MUC5B: variants seen among roughly 807,000 people sequenced by gnomAD.
MUC5B encodes the protein mucin 5B, oligomeric mucus/gel-forming.
MUC5B carries 116 observed loss-of-function variants against 376.9 expected under a neutral mutation model. The ratio of observed to expected loss-of-function variants is 0.31; its 90% CI spans 0.26 to 0.36. The LOEUF is 0.36. Ranked by LOEUF, MUC5B falls within the 10% of genes least tolerant of loss-of-function variation. The pLI is 1.00. For missense variants in MUC5B, 7,165 were observed against 7,769.9 expected, an observed-to-expected ratio of 0.92 and a Z score of 2.93; for synonymous variants, 3,517 against 3,390.9, an observed-to-expected ratio of 1.04 and a Z score of -1.29.
In MUC5B at chr11:1,247,949, C is replaced by T; in HGVS notation, c.11069C>T (p.Thr3690Ile). ...ACGCCCTCCTCAACTCCGGGGACGA[C>T]CTGGATCCTCACAAAGCTGACCACA... ...TATPSSTPGT[T>I]WILTKLTTTA... Residue 3690 changes from threonine (T) to isoleucine (I), a missense_variant, in exon 31 of 49, where the codon ACC (threonine) becomes ATC (isoleucine). Physicochemically the swap from Thr to Ile is moderately conservative, Grantham distance 89. Around this residue, in one of 31 missense-constraint regions of MUC5B, gnomAD observed 90 missense variants for 71.1 expected, o/e 1.27. Coordinates refer to ENST00000529681, the MANE Select transcript of MUC5B (RefSeq NM_002458.3). 4 of 1,610,996 alleles carry T rather than the reference C, an allele frequency of 2.5e-6. No homozygotes were observed. The highest frequency in any genetic ancestry group is 3.4e-6 in the Non-Finnish European group (4 of 1,178,010).
intron 23 of MUC5B, 38 bp downstream of exon 23, chr11:1,235,451 C>T: frequency 6.4e-7 from 1 of 1,557,450 alleles, no homozygotes; most frequent in Non-Finnish European, 8.8e-7. Flanking sequence ...CCCGACCCTG[C>T]AGCCAACGAG....
At position 1,258,964 on chromosome 11, in the gene MUC5B, C is replaced by G; in HGVS notation, c.16616C>G (p.Ala5539Gly). 1 of 1,552,686 alleles carries G rather than the reference C, an allele frequency of 6.4e-7. No homozygotes were observed. The highest frequency in any genetic ancestry group is 8.7e-7 in the Non-Finnish European group (1 of 1,148,546). The change falls in exon 44 of 49, where the codon GCC (alanine) becomes GGC (glycine). Residue 5539 changes from alanine (A) to glycine (G), a missense_variant. Ala to Gly is a moderately conservative substitution (Grantham distance 60). Coordinates refer to ENST00000529681, the MANE Select transcript of MUC5B (RefSeq NM_002458.3). The surrounding 1 kb of genome is among the most constrained non-coding windows in gnomAD (Gnocchi z 5.5). The stretch of plus-strand genomic sequence containing the variant: ...CAGGTTGGTGCAACCTTCCCAGGCG[C>G]CCTTCCCTGCCACATGTGTACCTGC... ...FYGVGATFPG[A>G]LPCHMCTCLS...
Position 1,236,499 on chromosome 11 carries a change from C to A in MUC5B, c.2994C>A (p.His998Gln). ...GGATCTTCCTGGTCATCGAGACCCA[C>A]GGGATGGCCGTGTCCTGGGACCGGA... Reference protein sequence around the residue: ...YMGIFLVIETHGMAVSWDRKT... With the variant: ...YMGIFLVIETQGMAVSWDRKT... The change falls in exon 24 of 49, where the codon CAC becomes CAA. Residue 998 changes from histidine (H) to glutamine (Q), a missense_variant. Physicochemically the swap from His to Gln is conservative, Grantham distance 24. Transcript: ENST00000529681. The A allele has an allele frequency of 1.2e-6, 2 of 1,613,126 alleles. No individual in the cohort carries two copies. The highest frequency in any genetic ancestry group is 1.3e-5 in the African/African-American group (1 of 75,040).
rs372366063 is a variant in MUC5B, at chr11:1,242,622, C to T, written c.5742C>T (p.Ala1914=). The T allele has an allele frequency of 6.2e-7, 1 of 1,613,726 alleles. No homozygotes were observed. Among genetic ancestry groups the T allele is most frequent in the African/African-American group, 1.3e-5 (1 of 74,848 alleles). ...TWILTKPTTT[A]TTTASTGSTA... Reference sequence around the variant, plus strand: ...TCCTCACAAAGCCGACCACAACAGCCACTACGACTGCGTCCACTGGATCCA... The same window carrying T: ...TCCTCACAAAGCCGACCACAACAGCTACTACGACTGCGTCCACTGGATCCA... The change falls in exon 31 of 49, where the codon GCC becomes GCT. Residue 1914 remains alanine, a synonymous_variant. Coordinates refer to ENST00000529681, the MANE Select transcript of MUC5B (RefSeq NM_002458.3).
At chr11:1,235,825 G>T (rs1862145162) in intron 23 of MUC5B, among the ~76,000 whole-genome samples, 1 of 151,476 alleles carries the variant, frequency 6.6e-6, no homozygotes, top group Non-Finnish European at 1.5e-5. Flanking sequence ...AGTCCAGGAT[G>T]ATCTCATTTC....
At chr11:1,230,270 G>A (rs1861994164) in intron 11 of MUC5B, 127 bp downstream of exon 11, 1 of 1,364,746 alleles carries the variant, frequency 7.3e-7, no homozygotes, top group East Asian at 2.3e-5. Context: ...GGGAGCCCTG[G>A]GTCCCCATGA....
chr11:1,256,578 C>A, intron 38 of MUC5B, 93 bp from the exon 39 acceptor site: 3 of 722,068 alleles, frequency 4.2e-6, no homozygotes, highest in Non-Finnish European at 4.5e-6. Flanking sequence ...ATCTCCTTCC[C>A]TGCTCCCCAC....
Position 1,262,157 on chromosome 11 carries a change from C to G in MUC5B, c.*549C>G, listed in dbSNP as rs141670831. ...AACCCAGCCCAGTTTTGCAAATAAA[C>G]CCTGAGCATTGAGTACGTTTCCTGT... On this transcript the variant is annotated 3_prime_UTR_variant, in exon 49 of 49. Transcript: ENST00000529681. 422 of 486,128 alleles carry G rather than the reference C, an allele frequency of 8.7e-4. 6 individuals are homozygous for G. Among genetic ancestry groups the G allele is most frequent in the African/African-American group, 7.7e-3 (389 of 50,808 alleles). 30.1% of individuals were successfully genotyped at this position (486,128 alleles called of 1,614,324 possible). A position where few individuals can be genotyped will look rare whatever the true frequency, so the allele number is the denominator to read the frequency against.
chr11:1,256,860 C>T (rs1862852023), intron 39 of MUC5B, 89 bp downstream of exon 39: 1 of 988,140 alleles, frequency 1.0e-6, no homozygotes, highest in Admixed American at 2.9e-5. Context: ...CCATGATGTG[C>T]TCTCCCCTCT....
chr11:1,233,135 GACGGCTGC>G lies in MUC5B; in HGVS notation c.2191_2198del (p.Gly731LeufsTer9). 1 of 1,607,296 alleles carries G rather than the reference GACGGCTGC, an allele frequency of 6.2e-7. No individual in the cohort carries two copies. The highest frequency in any genetic ancestry group is 8.5e-7 in the Non-Finnish European group (1 of 1,179,478). On this transcript the variant is annotated frameshift_variant, in exon 18 of 49. Transcript: ENST00000529681. LOFTEE classifies it high-confidence loss of function. The stretch of plus-strand genomic sequence containing the variant: ...CTGCAGCGTTTCCTTCGTGCCTGTG[GACGGCTGC>G]ACCTGCCCCGCGGGCACCTTCCTCA...
At chr11:1,230,697 C>T (rs1862007891) in intron 12 of MUC5B, 97 bp downstream of exon 12, 9 of 1,156,514 alleles carry the variant, frequency 7.8e-6, no homozygotes, top group Non-Finnish European at 1.1e-5. Flanking sequence ...GCCCCGAGGC[C>T]AGGTCCCCCC....
Position 1,257,655 on chromosome 11 carries a change from C to T in MUC5B, c.16395C>T (p.Phe5465=), listed in dbSNP as rs367641061. ...GQPPPCNRPG[F]VTVTRPRAEN... is the part of the protein sequence containing the mutation. Reference sequence around the variant, plus strand: ...CCCCGCCGTGCAACCGTCCCGGCTTCGTAACCGTGACCAGGCCCCGGGCCG... The same window carrying T: ...CCCCGCCGTGCAACCGTCCCGGCTTTGTAACCGTGACCAGGCCCCGGGCCG... The change falls in exon 41 of 49, where the codon TTC becomes TTT. Residue 5465 remains phenylalanine, a synonymous_variant. Transcript: ENST00000529681. The surrounding 1 kb of genome is among the most constrained non-coding windows in gnomAD (Gnocchi z 8.9). 2.8e-4 allele frequency: 452 copies of T among 1,591,134 alleles called. No homozygotes were observed. The highest frequency in any genetic ancestry group is 3.7e-4 in the Non-Finnish European group (437 of 1,175,402).
chr11:1,245,356 G>T lies in MUC5B; in HGVS notation c.8476G>T (p.Gly2826Trp). ...SRTTESPPSP[G>W]TTTPGHTRAT... ...GACCACCGAGTCACCCCCTTCTCCAGGGACGACCACCCCGGGCCACACCAG... is the reference window on the plus strand; with the variant it reads ...GACCACCGAGTCACCCCCTTCTCCATGGACGACCACCCCGGGCCACACCAG... The change falls in exon 31 of 49, where the codon GGG becomes TGG. Residue 2826 changes from glycine to tryptophan, a missense_variant. This residue lies in a region of MUC5B where 50 missense variants were observed against 66.4 expected (regional missense o/e 0.75). Coordinates refer to ENST00000529681, the MANE Select transcript of MUC5B (RefSeq NM_002458.3). 1 of 1,589,230 alleles carries T rather than the reference G, an allele frequency of 6.3e-7. No homozygotes were observed. Among genetic ancestry groups the T allele is most frequent in the East Asian group, 2.2e-5 (1 of 44,650 alleles).
At chr11:1,260,435 G>A (rs750738220) in intron 47 of MUC5B, 42 bp downstream of exon 47, 2 of 1,608,294 alleles carry the variant, frequency 1.2e-6, no homozygotes, top group Admixed American at 3.3e-5. Flanking sequence ...TCCAGCTCCA[G>A]CCCGTCGCCA....
Position 1,241,151 on chromosome 11 carries a change from T to C in MUC5B, c.4271T>C (p.Val1424Ala), listed in dbSNP as rs1217000560. ...CTCTGTCACGACTACGAGCTGCGGG[T>C]TCTCTGCTGCGAATACGTGCCCTGT... ...PPLCHDYELR[V>A]LCCEYVPCGP... Residue 1424 changes from valine (V) to alanine (A), a missense_variant, in exon 31 of 49, where the codon GTT becomes GCT. Transcript: ENST00000529681. The C allele has an allele frequency of 6.2e-7, 1 of 1,607,300 alleles. No individual in the cohort carries two copies. Among genetic ancestry groups the C allele is most frequent in the South Asian group, 1.1e-5 (1 of 90,036 alleles).
chr11:1,254,660 C>T, intron 34 of MUC5B, 34 bp from the exon 35 acceptor site: 1 of 1,594,834 alleles, frequency 6.3e-7, no homozygotes, highest in Non-Finnish European at 8.6e-7. Context: ...CCTGGCACTG[C>T]CTCCCAGCTC....
Position 1,247,286 on chromosome 11 carries a change from C to A in MUC5B, c.10406C>A (p.Thr3469Lys). Residue 3469 changes from threonine (T) to lysine (K), a missense_variant, in exon 31 of 49, where the codon ACA (threonine) becomes AAA (lysine). Coordinates refer to ENST00000529681, the MANE Select transcript of MUC5B (RefSeq NM_002458.3). ...CCCAGCAGTCCCCACACGGTGCGCA[C>A]AGCCTGGACTTCGGCCACCTCGGGC... ...LPPSSPHTVR[T>K]AWTSATSGIL... The A allele has an allele frequency of 1.9e-6, 3 of 1,611,892 alleles. No homozygotes were observed. Among genetic ancestry groups the A allele is most frequent in the Non-Finnish European group, 2.5e-6 (3 of 1,179,562 alleles).
In MUC5B at chr11:1,254,086, C is replaced by T; in HGVS notation, c.15218-6C>T. On this transcript the variant is annotated splice_region_variant and splice_polypyrimidine_tract_variant and intron_variant, in intron 33 of 48. Coordinates refer to ENST00000529681, the MANE Select transcript of MUC5B (RefSeq NM_002458.3). Reference sequence around the variant, plus strand: ...GCCTGCCAGCCCGTCCATCTCTGTCCCGCAGGCATCTGCAGCATGTGGGGC... The same window carrying T: ...GCCTGCCAGCCCGTCCATCTCTGTCTCGCAGGCATCTGCAGCATGTGGGGC... 6.2e-7 allele frequency: 1 copy of T among 1,610,428 alleles called. No individual in the cohort carries two copies.
rs758540158 is a variant in MUC5B, at chr11:1,248,603, C to T, written c.11723C>T (p.Ser3908Phe). The T allele has an allele frequency of 1.7e-5, 28 of 1,612,862 alleles. No individual in the cohort carries two copies. The highest frequency in any genetic ancestry group is 1.3e-4 in the South Asian group (12 of 91,044). ...AGTGGCTCCACGGTGACCCCCTCCT[C>T]CGTCCCGGGGACCACCCACACCCCC... The part of the protein sequence containing the change: ...TTSGSTVTPS[S>F]VPGTTHTPTV... The change falls in exon 31 of 49, where the codon TCC (serine) becomes TTC (phenylalanine). Residue 3908 changes from serine (S) to phenylalanine (F), a missense_variant. Ser to Phe is a radical substitution (Grantham distance 155). Around this residue, in one of 31 missense-constraint regions of MUC5B, gnomAD observed 242 missense variants for 199.0 expected, o/e 1.22. Transcript: ENST00000529681.
Sources: gnomAD v4.1 joint callset for allele counts (sites outside exome capture counted in the v4.1 genomes callset) on GRCh38, gnomAD v4.1.1 for gene constraint, gnomAD v4.1.1 regional missense constraint, Gnocchi (gnomAD v3.1) non-coding constraint, MANE v1.5 for transcripts, NCBI Gene and HGNC (gene_info 2026-07-23, HGNC 2026-07-21) for gene names.